Variants in WASL observed in about 807,000 individuals in gnomAD.
WASL encodes actin nucleation-promoting factor WASL.
In WASL, 20 loss-of-function variants were observed where a neutral mutation model predicts 55.5. The ratio of observed to expected loss-of-function variants is 0.36; its 90% CI spans 0.25 to 0.52. The LOEUF is 0.52. WASL is among the 20% of genes least tolerant of loss of function. The probability of loss-of-function intolerance (pLI) is 0.92; values close to 1 mark genes in which losing one functional copy is unlikely to be tolerated. For missense variants in WASL, 504 were observed against 622.5 expected, an observed-to-expected ratio of 0.81 and a Z score of 2.03; for synonymous variants, 249 against 217.6, an observed-to-expected ratio of 1.14 and a Z score of -1.27.
chr7:123,698,845 G>A (rs1020488585), intron 5 of WASL, among the ~76,000 whole-genome samples: 1 of 152,142 alleles, frequency 6.6e-6, no homozygotes, highest in African/African-American at 2.4e-5. Context: ...CAAAATAAAG[G>A]ACTTACTGAG....
chr7:123,689,039 T>TCTCTA lies in WASL; in HGVS notation c.1456+2_1456+3insTAGAG. The TCTCTA allele has an allele frequency of 6.7e-7, 1 of 1,486,802 alleles. No homozygotes were observed. The highest frequency in any genetic ancestry group is 9.3e-7 in the Non-Finnish European group (1 of 1,075,788). 92.1% of individuals were successfully genotyped at this position (1,486,802 alleles called of 1,614,324 possible). On this transcript the variant is annotated splice_region_variant and intron_variant, in intron 10 of 10. Transcript: ENST00000223023. ...CTCTCTCTCTCTCTCTCTCTCTCTC[T>TCTCTA]ACCTGAAGAATGAATGGCTTTGCTC...
intron 1 of WASL, among the ~76,000 whole-genome samples, chr7:123,739,685 A>G (rs1325157781): frequency 6.6e-6 from 1 of 152,184 alleles, no homozygotes; most frequent in Non-Finnish European, 1.5e-5. Flanking sequence ...TGCATTTTTG[A>G]CTACAACATT....
intron 1 of WASL, among the ~76,000 whole-genome samples, chr7:123,732,099 A>G (rs929100004): frequency 6.6e-6 from 1 of 152,100 alleles, no homozygotes; most frequent in African/African-American, 2.4e-5. Flanking sequence ...AGGCCAAGGC[A>G]GGCAGATCAC....
At chr7:123,730,515 A>C (rs1804119877) in intron 1 of WASL, among the ~76,000 whole-genome samples, 1 of 152,316 alleles carries the variant, frequency 6.6e-6, no homozygotes, top group East Asian at 1.9e-4. Flanking sequence ...TTGTACATAC[A>C]TATTGCAAAC....
chr7:123,690,757 TA>T (rs1333075229), intron 9 of WASL, among the ~76,000 whole-genome samples: 2 of 151,674 alleles, frequency 1.3e-5, no homozygotes, highest in African/African-American at 4.8e-5. Context: ...TTATTATAGC[TA>T]AATGAGAGAA....
chr7:123,697,989 T>C (rs1803518247), intron 5 of WASL, among the ~76,000 whole-genome samples: 1 of 151,984 alleles, frequency 6.6e-6, no homozygotes, highest in Non-Finnish European at 1.5e-5. Context: ...TTGTCACAAT[T>C]CATTATTGGA....
At chr7:123,698,669 T>C (rs1380220313) in intron 5 of WASL, among the ~76,000 whole-genome samples, 1 of 152,162 alleles carries the variant, frequency 6.6e-6, no homozygotes, top group Non-Finnish European at 1.5e-5. Flanking sequence ...GTGAATAATA[T>C]GGATAAAATC....
chr7:123,729,888 A>G (rs1804110141), intron 1 of WASL, among the ~76,000 whole-genome samples: 1 of 152,148 alleles, frequency 6.6e-6, no homozygotes, highest in Non-Finnish European at 1.5e-5. Flanking sequence ...AATAATTAGG[A>G]GCATGAAACA....
Position 123,682,449 on chromosome 7 carries a change from T to C in WASL, c.*2070A>G, listed in dbSNP as rs779086044. 2 of 152,138 alleles carry C rather than the reference T, an allele frequency of 1.3e-5. No homozygotes were observed. Among genetic ancestry groups the C allele is most frequent in the Admixed American group, 6.6e-5 (1 of 15,256 alleles). The allele number at this position is 152,138 out of a possible 1,614,324, so 9.4% of individuals were successfully genotyped here. A position where few individuals can be genotyped will look rare whatever the true frequency, so the allele number is the denominator to read the frequency against. On this transcript the variant is annotated 3_prime_UTR_variant, in exon 11 of 11. Coordinates refer to ENST00000223023, the MANE Select transcript of WASL (RefSeq NM_003941.4). ...TAAATTAATTACCTTTGGCAAATTATATATCCATTTTACATGTTTAAAATT... is the reference window on the plus strand; with the variant it reads ...TAAATTAATTACCTTTGGCAAATTACATATCCATTTTACATGTTTAAAATT...
chr7:123,690,941 T>C (rs534096406), intron 9 of WASL, among the ~76,000 whole-genome samples: 1 of 152,298 alleles, frequency 6.6e-6, no homozygotes, highest in South Asian at 2.1e-4. Context: ...TTTAAAGTTC[T>C]TCAACTGCTC....
rs1803494130 is a variant in WASL, at chr7:123,696,470, T to C, written c.629+109A>G. The C allele has an allele frequency of 3.7e-6, 4 of 1,077,844 alleles. No homozygotes were observed. In the East Asian group the frequency reaches 8.9e-5, roughly 24 times the overall value. 66.8% of individuals were successfully genotyped at this position (1,077,844 alleles called of 1,614,324 possible). On this transcript the variant is annotated intron_variant, in intron 6 of 10. Coordinates refer to ENST00000223023, the MANE Select transcript of WASL (RefSeq NM_003941.4). Reference sequence around the variant, plus strand: ...GTTAAAACGGTATCCAAGTGATGAATGTACACACCCTCCCGAAAAGAGAAG... The same window carrying C: ...GTTAAAACGGTATCCAAGTGATGAACGTACACACCCTCCCGAAAAGAGAAG...
intron 1 of WASL, among the ~76,000 whole-genome samples, chr7:123,727,350 G>C (rs2116811507): frequency 1.5e-5 from 1 of 66,664 alleles, no homozygotes; most frequent in South Asian, 5.9e-4. Context: ...ATAAAAATAT[G>C]TGTCACACAC....
At chr7:123,728,736 T>C (rs1804092720) in intron 1 of WASL, among the ~76,000 whole-genome samples, 1 of 152,106 alleles carries the variant, frequency 6.6e-6, no homozygotes, top group African/African-American at 2.4e-5. Flanking sequence ...CTTGGGAGGC[T>C]GAGGCAGGAG....
At chr7:123,717,834 C>T (rs931475505) in intron 1 of WASL, among the ~76,000 whole-genome samples, 1 of 152,158 alleles carries the variant, frequency 6.6e-6, no homozygotes, top group Non-Finnish European at 1.5e-5. Flanking sequence ...GCTTCCAACT[C>T]ATGATCTCTT....
chr7:123,709,514 T>A (rs1473327700), intron 1 of WASL, among the ~76,000 whole-genome samples: 2 of 152,178 alleles, frequency 1.3e-5, no homozygotes, highest in South Asian at 2.1e-4. Context: ...AAATATAGCC[T>A]CATTTGTTAT....
At chr7:123,688,841 A>C (rs1366347002) in intron 10 of WASL, among the ~76,000 whole-genome samples, 1 of 152,182 alleles carries the variant, frequency 6.6e-6, no homozygotes, top group Non-Finnish European at 1.5e-5. Context: ...TGCATTTGTT[A>C]AGTCTCAGAG....
At chr7:123,727,130 A>T (rs150585186) in intron 1 of WASL, among the ~76,000 whole-genome samples, 1 of 152,128 alleles carries the variant, frequency 6.6e-6, no homozygotes, top group South Asian at 2.1e-4. Context: ...CCACACTGAG[A>T]TGCCATTTCA....
At chr7:123,727,353 T>TCGCTCACACACACACACACACA (rs1554406247) in intron 1 of WASL, among the ~76,000 whole-genome samples, 4 of 147,710 alleles carry the variant, frequency 2.7e-5, no homozygotes, top group African/African-American at 1.0e-4. Flanking sequence ...AAAATATGTG[T>TCGCTCACACACACACACACACA]CACACACACA....
intron 1 of WASL, among the ~76,000 whole-genome samples, chr7:123,731,169 T>A (rs910055110): frequency 2.0e-5 from 3 of 152,110 alleles, no homozygotes; most frequent in Admixed American, 2.0e-4. Context: ...CACACACATA[T>A]ATACATACAT....
Sources: gnomAD v4.1 joint callset for allele counts (sites outside exome capture counted in the v4.1 genomes callset) on GRCh38, gnomAD v4.1.1 for gene constraint, MANE v1.5 for transcripts, NCBI Gene and HGNC (gene_info 2026-07-23, HGNC 2026-07-21) for gene names.